Variants in RFX2 observed in about 807,000 individuals in gnomAD.
The protein encoded by RFX2 is DNA-binding protein RFX2.
In RFX2, 20 loss-of-function variants were observed where a neutral mutation model predicts 87.8. The ratio of observed to expected loss-of-function variants is 0.23; its 90% CI spans 0.16 to 0.33. RFX2 has a LOEUF of 0.33. Ranked by LOEUF, RFX2 falls within the 10% of genes least tolerant of loss-of-function variation. The pLI is 1.00. For missense variants in RFX2, 767 were observed against 1,012.3 expected (o/e 0.76, Z 3.29); for synonymous variants, 397 against 431.3 (o/e 0.92, Z 0.98).
At chr19:6,029,713 A>AAAAAC (rs1222980112) in intron 5 of RFX2, among the ~76,000 whole-genome samples, 2 of 152,344 alleles carry the variant, frequency 1.3e-5, no homozygotes, top group East Asian at 3.9e-4. Flanking sequence ...ATATCAAAAC[A>AAAAAC]AAAACAAAAC....
Position 5,999,105 on chromosome 19 carries a change from A to C in RFX2, c.1860-1892T>G, listed in dbSNP as rs918968388. Among the ~76,000 whole-genome samples, 9 of 152,036 alleles carry C rather than the reference A, an allele frequency of 5.9e-5. No homozygotes were observed. The highest frequency in any genetic ancestry group is 2.2e-4 in the African/African-American group (9 of 41,382). On this transcript the variant is annotated intron_variant, in intron 15 of 17. Coordinates refer to ENST00000303657, the MANE Select transcript of RFX2 (RefSeq NM_000635.4). This position sits in a 1 kb window ranked among gnomAD's most constrained non-coding sequence, Gnocchi z 4.1. ...ACCCCGTCTCTACTAAAAATACAAAAATCAGCCAGGCCTGGTGGTGGGCAC... is the reference window on the plus strand; with the variant it reads ...ACCCCGTCTCTACTAAAAATACAAACATCAGCCAGGCCTGGTGGTGGGCAC...
intron 5 of RFX2, among the ~76,000 whole-genome samples, chr19:6,037,652 A>G (rs1185160272): frequency 2.6e-5 from 4 of 152,248 alleles, no homozygotes; most frequent in Non-Finnish European, 4.4e-5. Context: ...CTTTGTAGAT[A>G]TAGATAAATT....
chr19:6,008,036 G>A (rs542806850), intron 10 of RFX2, 70 bp downstream of exon 10: 71 of 1,179,416 alleles, frequency 6.0e-5, no homozygotes, highest in African/African-American at 1.1e-4. Context: ...ACCCGGGGAC[G>A]CCTGGCCTGA....
At position 5,994,718 on chromosome 19, in the gene RFX2, C is replaced by A; in HGVS notation, c.*117G>T. On this transcript the variant is annotated 3_prime_UTR_variant, in exon 18 of 18. Transcript: ENST00000303657. ...TGACCCCGGGAGCCCCCGCTTGAGT[C>A]AAAGTAAACATCACATCATCTAAGA... The A allele has an allele frequency of 1.4e-6, 1 of 690,092 alleles. No homozygotes were observed. Among genetic ancestry groups the A allele is most frequent in the South Asian group, 1.7e-5 (1 of 57,342 alleles). 42.7% of individuals were successfully genotyped at this position (690,092 alleles called of 1,614,324 possible).
At chr19:6,018,190 G>A (rs925201967) in intron 6 of RFX2, among the ~76,000 whole-genome samples, 19 of 152,136 alleles carry the variant, frequency 1.2e-4, no homozygotes, top group Admixed American at 6.5e-4. Flanking sequence ...TGTTGGCCTC[G>A]AATTCCTGAC....
At chr19:6,094,469 G>A (rs746143313) in intron 1 of RFX2, among the ~76,000 whole-genome samples, 2 of 152,124 alleles carry the variant, frequency 1.3e-5, no homozygotes, top group African/African-American at 2.4e-5. Flanking sequence ...GTGGACCCAC[G>A]CTACTCAGAC....
chr19:5,994,936 C>T lies in RFX2; in HGVS notation c.2071G>A (p.Glu691Lys), dbSNP rs767725608. Residue 691 changes from glutamate (E) to lysine (K), a missense_variant, in exon 18 of 18, where the codon GAG (glutamate) becomes AAG (lysine). By Grantham distance (56) the Glu-to-Lys change is moderately conservative (BLOSUM62 1). Transcript: ENST00000303657. ...TLLDKDDMGDEQRGSEAGPDA... is the reference protein window; with the variant it reads ...TLLDKDDMGDKQRGSEAGPDA... ...GGGCCCGCCTCGCTGCCACGCTGCT[C>T]ATCGCCCATGTCATCTGCGGAGGGA... 3.7e-6 allele frequency: 6 copies of T among 1,607,470 alleles called. No homozygotes were observed. In the Admixed American group the frequency reaches 5.0e-5, roughly 13 times the overall value.
intron 1 of RFX2, among the ~76,000 whole-genome samples, chr19:6,055,955 T>A (rs2087332512): frequency 6.6e-6 from 1 of 150,488 alleles, no homozygotes; most frequent in African/African-American, 2.5e-5. Context: ...AGAAGTTGAG[T>A]CCAAAAGAGT....
chr19:6,070,742 C>A (rs1459553586), intron 1 of RFX2, among the ~76,000 whole-genome samples: 1 of 152,182 alleles, frequency 6.6e-6, no homozygotes, highest in African/African-American at 2.4e-5. Context: ...TGCTCTGTCA[C>A]CCAGGCTGGA....
rs917392163 is a variant in RFX2, at chr19:6,061,349, G to A, written c.-8-13845C>T. ...CAAGAATTTTCACCGCATAGACAGTGTGTGTGCTAAATCAAGGGATTAACT... is the reference window on the plus strand; with the variant it reads ...CAAGAATTTTCACCGCATAGACAGTATGTGTGCTAAATCAAGGGATTAACT... On this transcript the variant is annotated intron_variant, in intron 1 of 17. Transcript: ENST00000303657. This position sits in a 1 kb window ranked among gnomAD's most constrained non-coding sequence, Gnocchi z 5.2. Among the ~76,000 whole-genome samples the A allele has an allele frequency of 6.6e-6, 1 of 151,976 alleles. No individual in the cohort carries two copies. The highest frequency in any genetic ancestry group is 1.5e-5 in the Non-Finnish European group (1 of 68,030).
At chr19:6,094,121 A>G (rs1253701503) in intron 1 of RFX2, among the ~76,000 whole-genome samples, 1 of 152,086 alleles carries the variant, frequency 6.6e-6, no homozygotes, top group Non-Finnish European at 1.5e-5. Flanking sequence ...AACACTAAAG[A>G]ATTCGTATGT....
At position 6,039,521 on chromosome 19, in the gene RFX2, A is replaced by G. The variant is rs1363923728; in HGVS notation, c.522+459T>C. On this transcript the variant is annotated intron_variant, in intron 5 of 17. Transcript: ENST00000303657. This position sits in a 1 kb window ranked among gnomAD's most constrained non-coding sequence, Gnocchi z 5.2. Reference sequence around the variant, plus strand: ...AAATGTAGAGACTCTGGAAAAGCAGATAAGTCGTTATTTTGCATCGGGGCA... The same window carrying G: ...AAATGTAGAGACTCTGGAAAAGCAGGTAAGTCGTTATTTTGCATCGGGGCA... 4.6e-5 allele frequency among the ~76,000 whole-genome samples: 7 copies of G among 152,254 alleles called. No homozygotes were observed. Among genetic ancestry groups the G allele is most frequent in the Non-Finnish European group, 8.8e-5 (6 of 68,050 alleles).
At chr19:6,051,326 C>T (rs894866700) in intron 1 of RFX2, among the ~76,000 whole-genome samples, 4 of 152,024 alleles carry the variant, frequency 2.6e-5, no homozygotes, top group African/African-American at 9.7e-5. Flanking sequence ...AACTTTATAA[C>T]ACTCCATTGT....
intron 1 of RFX2, among the ~76,000 whole-genome samples, chr19:6,102,903 T>C (rs1013532236): frequency 6.6e-6 from 1 of 152,128 alleles, no homozygotes. Context: ...GGCAGGAGGA[T>C]TGCTTGAGCC....
intron 1 of RFX2, among the ~76,000 whole-genome samples, chr19:6,082,854 T>C (rs574036754): frequency 6.6e-6 from 1 of 152,342 alleles, no homozygotes; most frequent in East Asian, 1.9e-4. Context: ...TTCAGAGCCA[T>C]GCTAGAGCCT....
At chr19:6,067,433 T>C (rs1233214856) in intron 1 of RFX2, among the ~76,000 whole-genome samples, 2 of 152,164 alleles carry the variant, frequency 1.3e-5, no homozygotes, top group African/African-American at 4.8e-5. Context: ...CTTCCCTCCC[T>C]ACCCGGAGAG....
chr19:6,026,306 A>C lies in RFX2; in HGVS notation c.523-69T>G, dbSNP rs759273051. 282 of 1,307,476 alleles carry C rather than the reference A, an allele frequency of 2.2e-4. No individual in the cohort carries two copies. The highest frequency in any genetic ancestry group is 2.5e-4 in the Non-Finnish European group (229 of 916,658). The allele number at this position is 1,307,476 out of a possible 1,614,324, so 81.0% of individuals were successfully genotyped here. A position where few individuals can be genotyped will look rare whatever the true frequency, so the allele number is the denominator to read the frequency against. Reference sequence around the variant, plus strand: ...AAAAAAAAAAGGAAATCAGATGGTTAGCATCAGCCAAGATTTGTTTTTATT... The same window carrying C: ...AAAAAAAAAAGGAAATCAGATGGTTCGCATCAGCCAAGATTTGTTTTTATT... On this transcript the variant is annotated intron_variant, in intron 5 of 17. Coordinates refer to ENST00000303657, the MANE Select transcript of RFX2 (RefSeq NM_000635.4). The surrounding 1 kb of genome is among the most constrained non-coding windows in gnomAD (Gnocchi z 4.5).
At chr19:6,019,509 A>C (rs972954241) in intron 6 of RFX2, among the ~76,000 whole-genome samples, 1 of 69,864 alleles carries the variant, frequency 1.4e-5, no homozygotes, top group East Asian at 3.6e-4. Flanking sequence ...TTAGTGTGTG[A>C]GTATGTGTGT....
intron 17 of RFX2, 79 bp downstream of exon 17, chr19:5,995,522 G>T: frequency 1.4e-6 from 2 of 1,389,048 alleles, no homozygotes; most frequent in South Asian, 1.2e-5. Flanking sequence ...TGTTCATCAT[G>T]AGATGGGGCA....
Sources: allele counts gnomAD v4.1 joint callset (sites outside exome capture counted in the v4.1 genomes callset), GRCh38; gene constraint gnomAD v4.1.1; non-coding constraint Gnocchi (gnomAD v3.1); transcripts MANE v1.5; gene names NCBI Gene and HGNC (gene_info 2026-07-23, HGNC 2026-07-21).